MCM5: variants seen among roughly 807,000 people sequenced by gnomAD.
MCM5 encodes the protein DNA replication licensing factor MCM5.
MCM5 carries 46 observed loss-of-function variants against 79.9 expected under a neutral mutation model. The observed-to-expected ratio is 0.58, with a 90% CI of 0.45 to 0.74. The LOEUF (loss-of-function observed/expected upper bound fraction) is 0.74. Among genes scored for constraint, MCM5 ranks in the 30% least tolerant of loss-of-function variants. MCM5 has a pLI of 0.00. For synonymous variants in MCM5, 404 were observed against 390.5 expected, an observed-to-expected ratio of 1.03 and a Z score of -0.41; for missense variants, 883 against 1,017.0, an observed-to-expected ratio of 0.87 and a Z score of 1.79.
chr22:35,410,208 G>C (rs1481320576), intron 6 of MCM5, among the ~76,000 whole-genome samples: 1 of 152,112 alleles, frequency 6.6e-6, no homozygotes, highest in Non-Finnish European at 1.5e-5. Flanking sequence ...CTCTGACTGG[G>C]GGACTTGGAG....
downstream of MCM5, among the ~76,000 whole-genome samples, chr22:35,426,117 C>G (rs1489131914): frequency 6.6e-6 from 1 of 152,114 alleles, no homozygotes; most frequent in East Asian, 1.9e-4. Context: ...GGTGGCCTGA[C>G]TGGCAGGCAC....
rs919055589 is a variant in MCM5, at chr22:35,409,918, G to A, written c.753-826G>A. ...GTGGTGTTTAGCACAATTCCTTCAT[G>A]CAGATTACGTAATCAGGATGTATGA... On this transcript the variant is annotated intron_variant, in intron 6 of 16. Coordinates refer to ENST00000216122, the MANE Select transcript of MCM5 (RefSeq NM_006739.4). The A allele has an allele frequency of 4.6e-5, 7 of 152,272 alleles. No individual in the cohort carries two copies. The East Asian group carries it at 1.3e-3, about 29-fold the overall frequency. 9.4% of individuals were successfully genotyped at this position (152,272 alleles called of 1,614,324 possible).
At chr22:35,443,527 C>T in the MCM5 span, among the ~76,000 whole-genome samples, 1 of 152,336 alleles carries the variant, frequency 6.6e-6, no homozygotes, top group South Asian at 2.1e-4. Context: ...CCTCTCAGGG[C>T]CACGCCAGTG....
intron 14 of MCM5, among the ~76,000 whole-genome samples, chr22:35,420,302 C>G (rs1274464436): frequency 6.6e-6 from 1 of 152,200 alleles, no homozygotes; most frequent in Non-Finnish European, 1.5e-5. Flanking sequence ...GCCTGGGAGT[C>G]AAGAGTCTTG....
chr22:35,417,869 C>T lies in MCM5; in HGVS notation c.1703+13C>T, dbSNP rs758672161. ...CCTACTGCCGAGTGTGAGTCCTGGA[C>T]GCAGGCCCACGGGGGTGAGGTTGCC... On this transcript the variant is annotated intron_variant, in intron 13 of 16. Coordinates refer to ENST00000216122, the MANE Select transcript of MCM5 (RefSeq NM_006739.4). 72 of 1,601,030 alleles carry T rather than the reference C, an allele frequency of 4.5e-5. No individual in the cohort carries two copies. The highest frequency in any genetic ancestry group is 5.6e-5 in the Non-Finnish European group (65 of 1,168,380).
intron 15 of MCM5, chr22:35,422,205 A>G (rs979639892): frequency 3.9e-5 from 6 of 154,224 alleles, no homozygotes; most frequent in Admixed American, 1.3e-4. Flanking sequence ...GACAGTAGAG[A>G]AACAAATGCA....
chr22:35,401,659 C>T (rs1304262498), intron 2 of MCM5: 4 of 471,092 alleles, frequency 8.5e-6, no homozygotes, highest in Non-Finnish European at 1.8e-5. Flanking sequence ...TTCACTTACT[C>T]ATGCAGCAGC....
chr22:35,445,072 G>A, the MCM5 span, among the ~76,000 whole-genome samples: 1 of 152,180 alleles, frequency 6.6e-6, no homozygotes, highest in East Asian at 1.9e-4. Flanking sequence ...CGAGAGCTGG[G>A]CTGTCCAGAA....
chr22:35,429,572 T>C (rs992572777), downstream of MCM5, among the ~76,000 whole-genome samples: 3 of 151,870 alleles, frequency 2.0e-5, no homozygotes, highest in Non-Finnish European at 4.4e-5. Flanking sequence ...TCTTGCTCTG[T>C]CACCCAGGCT....
At chr22:35,439,306 T>A in the MCM5 span, among the ~76,000 whole-genome samples, 1 of 151,256 alleles carries the variant, frequency 6.6e-6, no homozygotes, top group African/African-American at 2.4e-5. Context: ...TATTCATCCA[T>A]CCAACCACCC....
Position 35,404,970 on chromosome 22 carries a change from G to A in MCM5, c.423+1428G>A, listed in dbSNP as rs184683773. Among the ~76,000 whole-genome samples, 81 of 151,462 alleles carry A rather than the reference G, an allele frequency of 5.3e-4. 2 individuals are homozygous for A. The highest frequency in any genetic ancestry group is 7.9e-4 in the Admixed American group (12 of 15,206). On this transcript the variant is annotated intron_variant, in intron 4 of 16. Coordinates refer to ENST00000216122, the MANE Select transcript of MCM5 (RefSeq NM_006739.4). Reference sequence around the variant, plus strand: ...TAGAATATAAAGAGAATCGTATAACGAATCCTCTTGTACTCATCACCCAGC... The same window carrying A: ...TAGAATATAAAGAGAATCGTATAACAAATCCTCTTGTACTCATCACCCAGC...
chr22:35,445,437 T>C, the MCM5 span, among the ~76,000 whole-genome samples: 8 of 149,566 alleles, frequency 5.3e-5, no homozygotes, highest in African/African-American at 2.0e-4. Context: ...CAAGTGATTC[T>C]CCTGTCTCAG....
At position 35,416,319 on chromosome 22, in the gene MCM5, T is replaced by C. The variant is rs1408345846; in HGVS notation, c.1348-20T>C. ...CCTCACTTCAGTAGGTCTGATGATA[T>C]TTCTCTCTTCCCCACTTAGATGCGA... On this transcript the variant is annotated intron_variant, in intron 10 of 16. Coordinates refer to ENST00000216122, the MANE Select transcript of MCM5 (RefSeq NM_006739.4). 6.2e-7 allele frequency: 1 copy of C among 1,612,382 alleles called. No homozygotes were observed. Among genetic ancestry groups the C allele is most frequent in the East Asian group, 2.2e-5 (1 of 44,874 alleles).
chr22:35,428,932 A>C (rs2145808723), downstream of MCM5, among the ~76,000 whole-genome samples: 1 of 145,170 alleles, frequency 6.9e-6, no homozygotes, highest in African/African-American at 2.6e-5. Flanking sequence ...AGCTGGGACT[A>C]CAGGCGCATG....
the MCM5 span, among the ~76,000 whole-genome samples, chr22:35,451,465 C>T: frequency 6.6e-6 from 1 of 152,234 alleles, no homozygotes. Context: ...CCTCAGCCGG[C>T]CGGTTGTTTC....
At position 35,416,320 on chromosome 22, in the gene MCM5, TTC is replaced by T; in HGVS notation, c.1348-13_1348-12del. The T allele has an allele frequency of 6.2e-7, 1 of 1,612,730 alleles. No individual in the cohort carries two copies. The highest frequency in any genetic ancestry group is 1.1e-5 in the South Asian group (1 of 91,060). On this transcript the variant is annotated splice_polypyrimidine_tract_variant and intron_variant, in intron 10 of 16. Coordinates refer to ENST00000216122, the MANE Select transcript of MCM5 (RefSeq NM_006739.4). The stretch of plus-strand genomic sequence containing the variant: ...CTCACTTCAGTAGGTCTGATGATAT[TTC>T]TCTCTTCCCCACTTAGATGCGAGAA...
intron 8 of MCM5, among the ~76,000 whole-genome samples, chr22:35,412,903 G>A (rs1932428628): frequency 6.6e-6 from 1 of 152,216 alleles, no homozygotes; most frequent in Non-Finnish European, 1.5e-5. Context: ...GGGAGACTGG[G>A]GGCCTGGCAA....
chr22:35,414,612 A>G (rs970755829), intron 9 of MCM5, among the ~76,000 whole-genome samples: 6 of 151,768 alleles, frequency 4.0e-5, no homozygotes, highest in East Asian at 1.9e-4. Flanking sequence ...GAGTGAGACC[A>G]TGTTTCAAAT....
the MCM5 span, among the ~76,000 whole-genome samples, chr22:35,440,070 T>C: frequency 6.6e-6 from 1 of 152,238 alleles, no homozygotes; most frequent in East Asian, 1.9e-4. Flanking sequence ...CTCGTCCAAA[T>C]TCACATGGAG....
Sources: gnomAD v4.1 joint callset for allele counts (sites outside exome capture counted in the v4.1 genomes callset) on GRCh38, gnomAD v4.1.1 for gene constraint, MANE v1.5 for transcripts, NCBI Gene and HGNC (gene_info 2026-07-23, HGNC 2026-07-21) for gene names.